Variants in ACVR1 observed in about 807,000 individuals in gnomAD.
ACVR1 encodes activin A receptor type 1, also known as activin receptor type-1.
A neutral mutation model predicts 57.1 loss-of-function variants in ACVR1; 38 were observed. The observed-to-expected ratio is 0.67, with a 90% confidence interval of 0.51 to 0.87. The LOEUF (loss-of-function observed/expected upper bound fraction) is 0.87, where lower values mean the gene tolerates loss of function less well. Among genes scored for constraint, ACVR1 ranks in the 40% least tolerant of loss-of-function variants. The pLI is 0.00. For missense variants in ACVR1, 463 were observed against 638.2 expected (o/e 0.73, Z 2.96); for synonymous variants, 212 against 228.1 (o/e 0.93, Z 0.63).
intron 1 of ACVR1, among the ~76,000 whole-genome samples, chr2:157,823,154 CA>C: frequency 6.6e-6 from 1 of 152,160 alleles, no homozygotes; most frequent in Non-Finnish European, 1.5e-5. Context: ...GCACTGGCTC[CA>C]AAAAAGGTGG....
chr2:157,852,512 A>C (rs1275769405), intron 1 of ACVR1, among the ~76,000 whole-genome samples: 1 of 151,246 alleles, frequency 6.6e-6, no homozygotes, highest in Non-Finnish European at 1.5e-5. Flanking sequence ...AAAAAAAAAA[A>C]GAAAAAAAAA....
At chr2:157,769,775 A>C (rs771198393) in intron 7 of ACVR1, among the ~76,000 whole-genome samples, 1 of 152,248 alleles carries the variant, frequency 6.6e-6, no homozygotes, top group Non-Finnish European at 1.5e-5. Flanking sequence ...TCAAAAATAC[A>C]GAAGTCAATG....
chr2:157,760,901 C>A lies in ACVR1; in HGVS notation c.1243G>T (p.Ala415Ser). 22 of 1,614,110 alleles carry A rather than the reference C, an allele frequency of 1.4e-5. No individual in the cohort carries two copies. Among genetic ancestry groups the A allele is most frequent in the Non-Finnish European group, 1.9e-5 (22 of 1,179,988 alleles). Reference protein sequence around the residue: ...WAFGLVLWEVARRMVSNGIVE... With the variant: ...WAFGLVLWEVSRRMVSNGIVE... ...CTACCATTGCTCACCATCCGCCTGG[C>A]CACTTCCCACAAAACAAGTCCAAAG... The change falls in exon 9 of 11, where the codon GCC (alanine) becomes TCC (serine). Residue 415 changes from alanine to serine, a missense_variant. Ala to Ser is a moderately conservative substitution (Grantham distance 99). Transcript: ENST00000434821.
At chr2:157,839,806 T>C (rs1688917283) in intron 1 of ACVR1, among the ~76,000 whole-genome samples, 1 of 152,154 alleles carries the variant, frequency 6.6e-6, no homozygotes. Context: ...CAACACTGTA[T>C]GAGGTCCCAA....
chr2:157,787,434 C>A (rs1326212601), intron 3 of ACVR1, among the ~76,000 whole-genome samples: 1 of 152,150 alleles, frequency 6.6e-6, no homozygotes, highest in Non-Finnish European at 1.5e-5. Context: ...ACTTTAAAAA[C>A]CAAAAAATAC....
intron 1 of ACVR1, among the ~76,000 whole-genome samples, chr2:157,867,153 T>C (rs1329250770): frequency 6.6e-6 from 1 of 152,182 alleles, no homozygotes; most frequent in Non-Finnish European, 1.5e-5. Context: ...AGCAACACCA[T>C]TCTCCCAGTC....
At chr2:157,825,201 G>C (rs1026862661) in intron 1 of ACVR1, among the ~76,000 whole-genome samples, 3 of 152,160 alleles carry the variant, frequency 2.0e-5, no homozygotes, top group African/African-American at 7.2e-5. Flanking sequence ...AATTACACAG[G>C]AGGCCTTTCT....
rs567446184 is a variant in ACVR1 at position 157,831,954 on chromosome 2, G to C, written c.-182-13395C>G. On this transcript the variant is annotated intron_variant, in intron 1 of 10. Coordinates refer to ENST00000434821, the MANE Select transcript of ACVR1 (RefSeq NM_001111067.4). ...GTATATGAACTAACTCAATAAAACT[G>C]TTATTTTAAAAATCAGTTTGAAAGG... 2.6e-5 allele frequency among the ~76,000 whole-genome samples: 4 copies of C among 152,274 alleles called. No homozygotes were observed. In the South Asian group the frequency reaches 8.3e-4, roughly 32 times the overall value.
intron 1 of ACVR1, among the ~76,000 whole-genome samples, chr2:157,825,032 G>T (rs1363262088): frequency 6.6e-6 from 1 of 152,070 alleles, no homozygotes; most frequent in African/African-American, 2.4e-5. Context: ...AGGAGTGAGA[G>T]ATTACCACGC....
chr2:157,807,862 G>GT, intron 2 of ACVR1, among the ~76,000 whole-genome samples: 1 of 86,164 alleles, frequency 1.2e-5, no homozygotes, highest in South Asian at 6.3e-4. Context: ...TTTGGGGGGG[G>GT]GGGTGGGTAT....
chr2:157,854,713 A>T (rs1309610994), intron 1 of ACVR1, among the ~76,000 whole-genome samples: 1 of 123,582 alleles, frequency 8.1e-6, no homozygotes, highest in Non-Finnish European at 1.7e-5. Context: ...ACAGAGTGAG[A>T]CTCCGTCTCA....
chr2:157,839,890 C>T (rs1688920174), intron 1 of ACVR1, among the ~76,000 whole-genome samples: 1 of 152,202 alleles, frequency 6.6e-6, no homozygotes, highest in Non-Finnish European at 1.5e-5. Context: ...AAACTCTATG[C>T]TTCCTCAGTT....
In ACVR1 at chr2:157,737,516, GACACTATGAA is replaced by G. The variant is rs1253125514; in HGVS notation, c.*5_*14del. The stretch of plus-strand genomic sequence containing the variant: ...ACAACAACGTCAAATCTTCCTTCTT[GACACTATGAA>G]AATGTCAACAGTCAGTTTTCAATTT... On this transcript the variant is annotated 3_prime_UTR_variant, in exon 11 of 11. Transcript: ENST00000434821. 2 of 1,613,652 alleles carry G rather than the reference GACACTATGAA, an allele frequency of 1.2e-6. No individual in the cohort carries two copies. The highest frequency in any genetic ancestry group is 1.7e-6 in the Non-Finnish European group (2 of 1,179,858).
At chr2:157,851,907 A>ACACACCAC (rs1553514199) in intron 1 of ACVR1, among the ~76,000 whole-genome samples, 3 of 11,696 alleles carry the variant, frequency 2.6e-4, no homozygotes, top group African/African-American at 5.3e-4. Context: ...ACACACACAC[A>ACACACCAC]CACCACCCCC....
At chr2:157,744,972 G>A (rs1011427517) in intron 9 of ACVR1, among the ~76,000 whole-genome samples, 3 of 152,212 alleles carry the variant, frequency 2.0e-5, no homozygotes, top group Non-Finnish European at 4.4e-5. Flanking sequence ...GCTGGGTAAA[G>A]TACATGCTGT....
chr2:157,812,123 C>T (rs970803658), intron 2 of ACVR1, among the ~76,000 whole-genome samples: 4 of 152,210 alleles, frequency 2.6e-5, no homozygotes, highest in African/African-American at 7.2e-5. Flanking sequence ...GTCCACTAAA[C>T]GGGCCTAGAA....
chr2:157,834,891 C>T (rs985020762), intron 1 of ACVR1, among the ~76,000 whole-genome samples: 1 of 152,078 alleles, frequency 6.6e-6, no homozygotes, highest in Non-Finnish European at 1.5e-5. Context: ...CTACCTTATC[C>T]CTTCCACCAT....
intron 1 of ACVR1, among the ~76,000 whole-genome samples, chr2:157,833,782 A>C (rs1688672888): frequency 6.6e-6 from 1 of 152,198 alleles, no homozygotes. Context: ...ACTGTCAGGA[A>C]GGAAAAGGCT....
At chr2:157,825,969 C>T (rs771828760) in intron 1 of ACVR1, among the ~76,000 whole-genome samples, 3 of 152,172 alleles carry the variant, frequency 2.0e-5, no homozygotes, top group Non-Finnish European at 4.4e-5. Flanking sequence ...TGTGTACACC[C>T]CATTGCAGCA....
Sources: gnomAD v4.1 joint callset for allele counts (sites outside exome capture counted in the v4.1 genomes callset) on GRCh38, gnomAD v4.1.1 for gene constraint, MANE v1.5 for transcripts, NCBI Gene and HGNC (gene_info 2026-07-23, HGNC 2026-07-21) for gene names.